Variants in NRG3 observed in about 807,000 individuals in gnomAD.
NRG3 encodes neuregulin 3.
NRG3 carries 31 observed loss-of-function variants against 66.9 expected under a neutral mutation model. The ratio of observed to expected loss-of-function variants is 0.46; its 90% CI spans 0.35 to 0.63. NRG3 has a LOEUF of 0.63. Among genes scored for constraint, NRG3 ranks in the 20% least tolerant of loss-of-function variants. The pLI is 0.00. For synonymous variants in NRG3, 393 were observed against 359.4 expected (o/e 1.09, Z -1.06); for missense variants, 910 against 878.9 (o/e 1.04, Z -0.45).
chr10:82,505,028 G>GT (rs1369814253), intron 2 of NRG3, among the ~76,000 whole-genome samples: 2 of 152,110 alleles, frequency 1.3e-5, no homozygotes, highest in African/African-American at 4.8e-5. Context: ...ACTTTTATTA[G>GT]TTTTTTCTTT....
chr10:82,512,074 G>A (rs923743068), intron 2 of NRG3, among the ~76,000 whole-genome samples: 11 of 151,890 alleles, frequency 7.2e-5, no homozygotes, highest in African/African-American at 2.2e-4. Context: ...TATATTTTCT[G>A]ATAAATAAAA....
At chr10:82,393,234 A>G (rs1937984) in intron 2 of NRG3, among the ~76,000 whole-genome samples, 61,592 of 151,884 alleles carry the variant, frequency 0.41, 15,311 homozygotes, top group African/African-American at 0.7. Context: ...CCTCAGAAGT[A>G]AAGAAACTGA....
At chr10:82,388,384 A>T (rs776895716) in intron 2 of NRG3, among the ~76,000 whole-genome samples, 5 of 152,192 alleles carry the variant, frequency 3.3e-5, no homozygotes, top group Non-Finnish European at 7.3e-5. Context: ...TGATATCTCT[A>T]AAATTACATC....
In NRG3 at chr10:82,480,221, T is replaced by G. The variant is rs1842154933; in HGVS notation, c.953+121353T>G. Among the ~76,000 whole-genome samples the G allele has an allele frequency of 2.0e-5, 3 of 152,204 alleles. No homozygotes were observed. The South Asian group carries it at 6.2e-4, about 32-fold the overall frequency. On this transcript the variant is annotated intron_variant, in intron 2 of 8. Transcript: ENST00000372141. ...GGTAGTGGGGTTGATAATGGCAATT[T>G]ACAAGTATAAGGTTTATTTTCTTTT...
rs576460455 is a variant in NRG3, at chr10:82,978,556, G to A, written c.1413-394G>A. ...CTTACTGTGTTCAGTTTTTGTCAGCGTCTCATAAGAAGGCTATTTTTATTT... is the reference window on the plus strand; with the variant it reads ...CTTACTGTGTTCAGTTTTTGTCAGCATCTCATAAGAAGGCTATTTTTATTT... On this transcript the variant is annotated intron_variant, in intron 7 of 8. Coordinates refer to ENST00000372141, the MANE Select transcript of NRG3 (RefSeq NM_001010848.4). Among the ~76,000 whole-genome samples the A allele has an allele frequency of 1.3e-4, 20 of 152,228 alleles. No individual in the cohort carries two copies. The South Asian group carries it at 1.7e-3, about 13-fold the overall frequency.
At chr10:82,221,105 C>G (rs974008164) in intron 1 of NRG3, among the ~76,000 whole-genome samples, 2 of 152,146 alleles carry the variant, frequency 1.3e-5, no homozygotes, top group Admixed American at 1.3e-4. Flanking sequence ...GTATTCTGGT[C>G]TCAGACTTGT....
At chr10:81,889,535 C>T (rs747118807) in intron 1 of NRG3, 1 of 152,186 alleles carries the variant, frequency 6.6e-6, no homozygotes, top group Non-Finnish European at 1.5e-5. Context: ...TCCAGTTCAT[C>T]ACTCTCGCCT....
intron 1 of NRG3, among the ~76,000 whole-genome samples, chr10:82,337,167 A>C (rs568621098): frequency 6.6e-6 from 1 of 151,756 alleles, no homozygotes; most frequent in Non-Finnish European, 1.5e-5. Flanking sequence ...ATAAAGTTTC[A>C]CTCTTCTTTC....
chr10:82,405,897 ATTTG>A (rs1392057762), intron 2 of NRG3, among the ~76,000 whole-genome samples: 1 of 152,132 alleles, frequency 6.6e-6, no homozygotes, highest in South Asian at 2.1e-4. Context: ...ATTTGAATTG[ATTTG>A]CTTGAATCAT....
chr10:82,885,546 G>T (rs1033383907), intron 4 of NRG3, among the ~76,000 whole-genome samples: 2 of 152,188 alleles, frequency 1.3e-5, no homozygotes, highest in Non-Finnish European at 2.9e-5. Flanking sequence ...TTATGTAAAA[G>T]TGAGACTGAA....
At chr10:82,241,356 T>C (rs2133996387) in intron 1 of NRG3, among the ~76,000 whole-genome samples, 1 of 152,242 alleles carries the variant, frequency 6.6e-6, no homozygotes, top group South Asian at 2.1e-4. Context: ...ACTTTTGTCC[T>C]TATCAGTAAA....
intron 2 of NRG3, among the ~76,000 whole-genome samples, chr10:82,717,729 CA>C (rs1283969556): frequency 6.6e-6 from 1 of 152,208 alleles, no homozygotes; most frequent in East Asian, 1.9e-4. Context: ...AATCTCCAAG[CA>C]CAGCAGGTTT....
intron 1 of NRG3, among the ~76,000 whole-genome samples, chr10:81,979,855 TAGTC>T (rs1481806194): frequency 6.6e-6 from 1 of 152,218 alleles, no homozygotes; most frequent in East Asian, 1.9e-4. Flanking sequence ...ACCCAGGTTA[TAGTC>T]AGTCACTCAG....
At chr10:82,846,398 G>T (rs1378187952) in intron 3 of NRG3, among the ~76,000 whole-genome samples, 1 of 152,126 alleles carries the variant, frequency 6.6e-6, no homozygotes, top group Non-Finnish European at 1.5e-5. Context: ...AATAGCAGAT[G>T]ATGATTATGC....
At chr10:82,282,552 A>G (rs1029853592) in intron 1 of NRG3, among the ~76,000 whole-genome samples, 5 of 152,196 alleles carry the variant, frequency 3.3e-5, no homozygotes, top group African/African-American at 9.7e-5. Flanking sequence ...CAGTCCAGCT[A>G]CTAACCAGCC....
chr10:82,356,739 C>T (rs2083811238), intron 1 of NRG3, among the ~76,000 whole-genome samples: 1 of 152,128 alleles, frequency 6.6e-6, no homozygotes, highest in African/African-American at 2.4e-5. Context: ...GAAGGCCTTG[C>T]TGTTGCAATC....
At chr10:82,513,666 G>T (rs1845402746) in intron 2 of NRG3, among the ~76,000 whole-genome samples, 1 of 152,156 alleles carries the variant, frequency 6.6e-6, no homozygotes, top group South Asian at 2.1e-4. Flanking sequence ...TGTAGTCCCA[G>T]CTAATTGGGA....
chr10:82,532,620 T>TAG lies in NRG3; in HGVS notation c.953+173759_953+173760dup, dbSNP rs527964168. 2.0e-5 allele frequency among the ~76,000 whole-genome samples: 3 copies of TAG among 148,830 alleles called. No individual in the cohort carries two copies. In the South Asian group the frequency reaches 6.3e-4, roughly 31 times the overall value. On this transcript the variant is annotated intron_variant, in intron 2 of 8. Coordinates refer to ENST00000372141, the MANE Select transcript of NRG3 (RefSeq NM_001010848.4). ...ATGTATATATGTATATAGTACTATA[T>TAG]AGAGAGAGTACTATATATATATGCA...
At chr10:82,234,889 C>T (rs2076680099) in intron 1 of NRG3, among the ~76,000 whole-genome samples, 1 of 152,240 alleles carries the variant, frequency 6.6e-6, no homozygotes. Context: ...TAACTTTCTT[C>T]CTTCAGCCGT....
Sources: gnomAD v4.1 joint callset for allele counts (sites outside exome capture counted in the v4.1 genomes callset) on GRCh38, gnomAD v4.1.1 for gene constraint, MANE v1.5 for transcripts, NCBI Gene and HGNC (gene_info 2026-07-23, HGNC 2026-07-21) for gene names.